CADM2: variants seen among roughly 807,000 people sequenced by gnomAD.
The protein encoded by CADM2 is immunoglobulin superfamily member 4D.
In CADM2, 12 loss-of-function variants were observed where a neutral mutation model predicts 49.8. That is an observed-to-expected ratio of 0.24 (90% CI 0.15 to 0.39). CADM2 has a LOEUF of 0.39. Ranked by LOEUF, CADM2 falls within the 10% of genes least tolerant of loss-of-function variation. The probability of loss-of-function intolerance (pLI) is 1.00; values close to 1 mark genes in which losing one functional copy is unlikely to be tolerated. For synonymous variants in CADM2, 214 were observed against 175.4 expected, an observed-to-expected ratio of 1.22 and a Z score of -1.74; for missense variants, 378 against 492.3, an observed-to-expected ratio of 0.77 and a Z score of 2.20.
chr3:85,810,359 A>C (rs528149172), intron 3 of CADM2, among the ~76,000 whole-genome samples: 2 of 152,136 alleles, frequency 1.3e-5, no homozygotes, highest in East Asian at 3.9e-4. Context: ...GAAAGGAAAG[A>C]GTATAGCATA....
rs111958234 is a variant in CADM2 at position 85,173,478 on chromosome 3, G to T, written c.61+213810G>T. Among the ~76,000 whole-genome samples the T allele has an allele frequency of 6.9e-3, 1,048 of 152,064 alleles. 11 individuals carry two copies. The highest frequency in any genetic ancestry group is 0.023 in the African/African-American group (958 of 41,456). ...CAATGTTTCTGCTAAAATTTCTCAA[G>T]TTTTTTCTTGACTAAATATAATGTC... On this transcript the variant is annotated intron_variant, in intron 1 of 9. Transcript: ENST00000383699.
intron 1 of CADM2, among the ~76,000 whole-genome samples, chr3:85,430,425 G>C (rs1395446808): frequency 6.6e-6 from 1 of 152,044 alleles, no homozygotes; most frequent in Non-Finnish European, 1.5e-5. Context: ...GGCTGAGGTG[G>C]GAGGATTGCT....
chr3:86,062,931 G>A (rs1205981672), intron 8 of CADM2, among the ~76,000 whole-genome samples: 1 of 151,428 alleles, frequency 6.6e-6, no homozygotes, highest in Non-Finnish European at 1.5e-5. Context: ...TATTTTTATC[G>A]GCTGAGCCTT....
At chr3:85,080,419 C>G (rs1035117440) in intron 1 of CADM2, among the ~76,000 whole-genome samples, 4 of 151,952 alleles carry the variant, frequency 2.6e-5, no homozygotes, top group South Asian at 4.2e-4. Flanking sequence ...TCAACAAAAG[C>G]TGAATATCTC....
At chr3:85,809,684 CT>C (rs2072696798) in intron 3 of CADM2, among the ~76,000 whole-genome samples, 1 of 123,764 alleles carries the variant, frequency 8.1e-6, no homozygotes, top group Non-Finnish European at 1.7e-5. Flanking sequence ...TCCTTCCTTC[CT>C]TCCTTCCTTC....
intron 1 of CADM2, among the ~76,000 whole-genome samples, chr3:85,334,852 A>G (rs2045033969): frequency 6.6e-6 from 1 of 151,468 alleles, no homozygotes; most frequent in Non-Finnish European, 1.5e-5. Context: ...CTCAATCATT[A>G]TGTAGTTTTT....
chr3:85,901,537 G>A (rs1023147216), intron 5 of CADM2, among the ~76,000 whole-genome samples: 7 of 152,016 alleles, frequency 4.6e-5, no homozygotes, highest in African/African-American at 1.2e-4. Context: ...TTACCTTTCC[G>A]TCACATTTTT....
At chr3:85,600,847 A>T (rs2063370140) in intron 1 of CADM2, among the ~76,000 whole-genome samples, 1 of 151,368 alleles carries the variant, frequency 6.6e-6, no homozygotes, top group Non-Finnish European at 1.5e-5. Flanking sequence ...TTGTCAAACC[A>T]ATTCAATTTA....
chr3:85,354,318 A>G (rs910808990), intron 1 of CADM2, among the ~76,000 whole-genome samples: 1 of 134,016 alleles, frequency 7.5e-6, no homozygotes, highest in South Asian at 2.5e-4. Context: ...ACACATGGAC[A>G]CAGGAAGGGG....
intron 1 of CADM2, among the ~76,000 whole-genome samples, chr3:85,724,794 T>TTGCTATATTACC (rs1345502271): frequency 6.6e-6 from 1 of 151,952 alleles, no homozygotes; most frequent in Non-Finnish European, 1.5e-5. Context: ...ATTGTTTACT[T>TTGCTATATTACC]TGCTATATTA....
chr3:85,458,280 C>T (rs1370372120), intron 1 of CADM2, among the ~76,000 whole-genome samples: 1 of 152,066 alleles, frequency 6.6e-6, no homozygotes, highest in Non-Finnish European at 1.5e-5. Context: ...TACACCATGC[C>T]CTGCACATAA....
intron 1 of CADM2, among the ~76,000 whole-genome samples, chr3:85,066,726 A>G (rs533692639): frequency 6.6e-6 from 1 of 152,172 alleles, no homozygotes; most frequent in South Asian, 2.1e-4. Context: ...TTCTTCAAAG[A>G]CTAGTTAAGC....
intron 1 of CADM2, among the ~76,000 whole-genome samples, chr3:85,165,267 C>T (rs911135873): frequency 5.3e-5 from 8 of 151,762 alleles, no homozygotes; most frequent in Non-Finnish European, 1.2e-4. Context: ...CTCTGTGAGA[C>T]GATATTACTT....
chr3:85,312,624 C>T (rs1003343959), intron 1 of CADM2, among the ~76,000 whole-genome samples: 7 of 151,896 alleles, frequency 4.6e-5, no homozygotes, highest in African/African-American at 1.7e-4. Flanking sequence ...GAATTTTTTC[C>T]AAGTTTACTT....
chr3:86,004,323 T>G (rs1308241473), intron 8 of CADM2, among the ~76,000 whole-genome samples: 1 of 152,212 alleles, frequency 6.6e-6, no homozygotes, highest in African/African-American at 2.4e-5. Flanking sequence ...GGAAGGGATT[T>G]GGTGCAATCT....
intron 1 of CADM2, among the ~76,000 whole-genome samples, chr3:85,156,792 C>A (rs2040140126): frequency 6.6e-6 from 1 of 152,110 alleles, no homozygotes. Flanking sequence ...ACAGGGATGC[C>A]CTCTCTCACC....
At chr3:85,028,793 T>C (rs1470586708) in intron 1 of CADM2, among the ~76,000 whole-genome samples, 1 of 151,992 alleles carries the variant, frequency 6.6e-6, no homozygotes, top group Non-Finnish European at 1.5e-5. Flanking sequence ...GGAAACAAGA[T>C]AGAATTATCC....
At chr3:85,408,865 A>G (rs2035527234) in intron 1 of CADM2, among the ~76,000 whole-genome samples, 1 of 152,220 alleles carries the variant, frequency 6.6e-6, no homozygotes. Context: ...AAAGTTTACA[A>G]ATAAACAAGG....
At chr3:85,410,519 T>C (rs1278485825) in intron 1 of CADM2, among the ~76,000 whole-genome samples, 1 of 152,176 alleles carries the variant, frequency 6.6e-6, no homozygotes, top group Non-Finnish European at 1.5e-5. Flanking sequence ...CTTCTATAAT[T>C]TGATATTTTC....
Sources: gnomAD v4.1 joint callset for allele counts (sites outside exome capture counted in the v4.1 genomes callset) on GRCh38, gnomAD v4.1.1 for gene constraint, MANE v1.5 for transcripts, NCBI Gene and HGNC (gene_info 2026-07-23, HGNC 2026-07-21) for gene names.